The following GPHN variants were observed in gnomAD, a reference collection of about 807,000 sequenced individuals.
GPHN encodes gephyrin.
Under a neutral mutation model 95.5 loss-of-function variants are expected in GPHN, and 17 were observed. The observed-to-expected ratio is 0.18, with a 90% CI of 0.12 to 0.27. GPHN has a LOEUF of 0.27. Among genes scored for constraint, GPHN ranks in the 10% least tolerant of loss-of-function variants. The probability of loss-of-function intolerance (pLI) is 1.00; values close to 1 mark genes in which losing one functional copy is unlikely to be tolerated. For synonymous variants in GPHN, 320 were observed against 322.5 expected, an observed-to-expected ratio of 0.99 and a Z score of 0.08; for missense variants, 660 against 978.1, an observed-to-expected ratio of 0.67 and a Z score of 4.34.
At chr14:67,721,481 A>G in the GPHN span, among the ~76,000 whole-genome samples, 4 of 152,082 alleles carry the variant, frequency 2.6e-5, no homozygotes, top group Admixed American at 2.6e-4. Flanking sequence ...TTCTGGCCTC[A>G]AGGGATCCCC....
chr14:67,298,279 A>C, the GPHN span, among the ~76,000 whole-genome samples: 1 of 152,080 alleles, frequency 6.6e-6, no homozygotes, highest in African/African-American at 2.4e-5. Flanking sequence ...TTATACTGTT[A>C]CTAGGGGCCG....
the GPHN span, among the ~76,000 whole-genome samples, chr14:67,298,710 A>G: frequency 2.0e-5 from 3 of 152,190 alleles, no homozygotes; most frequent in African/African-American, 4.8e-5. Context: ...GTTTTATTGT[A>G]TAGTTCAGTG....
chr14:67,127,952 A>G (rs889909421), intron 17 of GPHN, among the ~76,000 whole-genome samples: 1 of 152,230 alleles, frequency 6.6e-6, no homozygotes, highest in Non-Finnish European at 1.5e-5. Context: ...CTGGAAAAGC[A>G]AGCTGTTAGG....
At chr14:66,867,590 T>C (rs1419986313) in intron 4 of GPHN, among the ~76,000 whole-genome samples, 4 of 152,200 alleles carry the variant, frequency 2.6e-5, no homozygotes, top group Non-Finnish European at 4.4e-5. Flanking sequence ...AGGAGCAGCC[T>C]CAGAATTGTT....
chr14:66,951,514 CAAAAAAAAA>C, intron 8 of GPHN, among the ~76,000 whole-genome samples: 1 of 63,852 alleles, frequency 1.6e-5, no homozygotes, highest in East Asian at 4.7e-4. Flanking sequence ...AACTTCATCT[CAAAAAAAAA>C]AAAAAAAAGG....
At chr14:67,066,136 T>C (rs1415072281) in intron 11 of GPHN, among the ~76,000 whole-genome samples, 1 of 152,218 alleles carries the variant, frequency 6.6e-6, no homozygotes, top group Non-Finnish European at 1.5e-5. Flanking sequence ...GGCCTGGTGG[T>C]GACAAAATCT....
the GPHN span, among the ~76,000 whole-genome samples, chr14:67,251,062 C>A: frequency 4.6e-5 from 7 of 152,092 alleles, no homozygotes; most frequent in African/African-American, 1.7e-4. Context: ...AATATTTTTT[C>A]CATAGTCCTA....
At chr14:66,705,712 C>T (rs1254200552) in intron 2 of GPHN, among the ~76,000 whole-genome samples, 1 of 152,178 alleles carries the variant, frequency 6.6e-6, no homozygotes, top group Admixed American at 6.5e-5. Flanking sequence ...CAATAGCATA[C>T]TGAATGGGCA....
intron 12 of GPHN, among the ~76,000 whole-genome samples, chr14:67,096,256 A>G (rs1353804571): frequency 1.3e-5 from 2 of 152,152 alleles, no homozygotes; most frequent in African/African-American, 2.4e-5. Context: ...CACAATTGGT[A>G]TACTTTCCCT....
chr14:67,615,507 G>T, the GPHN span: 1 of 411,522 alleles, frequency 2.4e-6, no homozygotes, highest in Non-Finnish European at 4.7e-6. Flanking sequence ...ATCTTAAAAA[G>T]CCAAGAGGCA....
At chr14:67,049,277 G>C (rs2075185692) in intron 10 of GPHN, among the ~76,000 whole-genome samples, 1 of 152,016 alleles carries the variant, frequency 6.6e-6, no homozygotes, top group African/African-American at 2.4e-5. Flanking sequence ...GCCCAGGCTG[G>C]AGTGCAGTGG....
At chr14:66,643,711 T>C (rs930522714) in intron 1 of GPHN, among the ~76,000 whole-genome samples, 2 of 151,596 alleles carry the variant, frequency 1.3e-5, no homozygotes, top group African/African-American at 4.8e-5. Context: ...TATTTCCTTC[T>C]GTTGTGGGTA....
At chr14:67,216,501 T>A in the GPHN span, among the ~76,000 whole-genome samples, 1 of 152,182 alleles carries the variant, frequency 6.6e-6, no homozygotes, top group Non-Finnish European at 1.5e-5. Flanking sequence ...GGTTATTTAT[T>A]TGACATCTTT....
At chr14:67,685,153 A>C in the GPHN span, 1 of 1,614,086 alleles carries the variant, frequency 6.2e-7, no homozygotes, top group African/African-American at 1.3e-5. Flanking sequence ...GTGCCGAACC[A>C]GTTCAGATTG....
chr14:66,541,048 A>G (rs536776479), intron 1 of GPHN, among the ~76,000 whole-genome samples: 3 of 152,106 alleles, frequency 2.0e-5, no homozygotes, highest in Non-Finnish European at 4.4e-5. Context: ...CCCGGGTTCA[A>G]GTGATTCTCG....
chr14:66,739,615 G>A (rs773655214), intron 2 of GPHN, among the ~76,000 whole-genome samples: 14 of 151,170 alleles, frequency 9.3e-5, no homozygotes, highest in South Asian at 4.2e-4. Flanking sequence ...TGGATAGTGC[G>A]TTCGGACAAC....
At chr14:67,323,866 C>T in the GPHN span, 1 of 923,278 alleles carries the variant, frequency 1.1e-6, no homozygotes, top group South Asian at 1.6e-5. Flanking sequence ...TGAAACAGTC[C>T]TGGTCTAATT....
intron 13 of GPHN, among the ~76,000 whole-genome samples, chr14:67,103,888 T>A (rs1202981101): frequency 6.6e-6 from 1 of 152,148 alleles, no homozygotes. Flanking sequence ...TTGTTCTGGC[T>A]GGGACTTCCA....
chr14:67,341,402 C>T, the GPHN span, among the ~76,000 whole-genome samples: 376 of 152,054 alleles, frequency 2.5e-3, 1 homozygote, highest in Non-Finnish European at 3.3e-3. Flanking sequence ...GCCCGGCAGC[C>T]GCCCCGTCTG....
Sources: gnomAD v4.1 joint callset for allele counts (sites outside exome capture counted in the v4.1 genomes callset) on GRCh38, gnomAD v4.1.1 for gene constraint, MANE v1.5 for transcripts, NCBI Gene and HGNC (gene_info 2026-07-23, HGNC 2026-07-21) for gene names.